CHSY3: variants seen among roughly 807,000 people sequenced by gnomAD.
CHSY3 encodes chondroitin sulfate synthase 3.
CHSY3 carries 35 observed loss-of-function variants against 67.2 expected under a neutral mutation model. The ratio of observed to expected loss-of-function variants is 0.52; its 90% confidence interval spans 0.40 to 0.69. CHSY3 has a LOEUF of 0.69. Ranked by LOEUF, CHSY3 falls within the 30% of genes least tolerant of loss-of-function variation. The pLI is 0.00. For synonymous variants in CHSY3, 474 were observed against 434.7 expected (o/e 1.09, Z -1.12); for missense variants, 1,069 against 1,138.5 (o/e 0.94, Z 0.88).
At chr5:129,907,535 C>CT (rs1465797482) in intron 1 of CHSY3, among the ~76,000 whole-genome samples, 2 of 152,156 alleles carry the variant, frequency 1.3e-5, no homozygotes, top group Non-Finnish European at 2.9e-5. Flanking sequence ...TTTTGACAAA[C>CT]TTTTTTCTAA....
chr5:129,922,156 G>C (rs948195476), intron 2 of CHSY3, among the ~76,000 whole-genome samples: 1 of 152,190 alleles, frequency 6.6e-6, no homozygotes, highest in Non-Finnish European at 1.5e-5. Context: ...TGTTGCAAAT[G>C]ACGGGATTTC....
chr5:130,185,232 G>T lies in CHSY3; in HGVS notation c.2090G>T (p.Arg697Ile), dbSNP rs1257109008. Reference protein sequence around the residue: ...TLIPMKGEFSRGLGLEMASAQ... With the variant: ...TLIPMKGEFSIGLGLEMASAQ... ...ATCCCAATGAAGGGAGAGTTTTCCA[G>T]AGGTCTTGGTCTTGAAATGGCTTCT... Residue 697 changes from arginine to isoleucine, a missense_variant, in exon 3 of 3, where the codon AGA (arginine) becomes ATA (isoleucine). Around this residue, in one of 5 missense-constraint regions of CHSY3, gnomAD observed 401 missense variants for 395.2 expected, o/e 1.01. Coordinates refer to ENST00000305031, the MANE Select transcript of CHSY3 (RefSeq NM_175856.5). 6.2e-7 allele frequency: 1 copy of T among 1,607,654 alleles called. No individual in the cohort carries two copies. Among genetic ancestry groups the T allele is most frequent in the Non-Finnish European group, 8.5e-7 (1 of 1,174,270 alleles).
chr5:130,172,018 C>T (rs1440930590), intron 2 of CHSY3, among the ~76,000 whole-genome samples: 1 of 152,094 alleles, frequency 6.6e-6, no homozygotes, highest in Non-Finnish European at 1.5e-5. Flanking sequence ...CTCTCAATAG[C>T]ACTCAGTTTT....
chr5:130,066,381 A>C (rs1765886794), intron 2 of CHSY3, among the ~76,000 whole-genome samples: 1 of 152,106 alleles, frequency 6.6e-6, no homozygotes, highest in South Asian at 2.1e-4. Flanking sequence ...ATGAGAACTA[A>C]GGAGCATAAA....
chr5:129,978,920 C>T lies in CHSY3; in HGVS notation c.1086+70560C>T, dbSNP rs574460949. ...ATTAGAAAAATTGGTACTAATTGGC[C>T]GGGCGTGGTGGCTCACGCCTGTAAT... is the stretch of plus-strand genomic sequence containing the variant. On this transcript the variant is annotated intron_variant, in intron 2 of 2. Transcript: ENST00000305031. 3.8e-4 allele frequency among the ~76,000 whole-genome samples: 58 copies of T among 151,838 alleles called. 1 individual carries two copies. Among genetic ancestry groups the T allele is most frequent in the Admixed American group, 1.8e-3 (27 of 15,256 alleles).
rs558983220 is a variant in CHSY3, at chr5:130,044,342, T to C, written c.1086+135982T>C. Among the ~76,000 whole-genome samples the C allele has an allele frequency of 2.6e-4, 39 of 152,070 alleles. No homozygotes were observed. In the South Asian group the frequency reaches 5.0e-3, roughly 19 times the overall value. On this transcript the variant is annotated intron_variant, in intron 2 of 2. Transcript: ENST00000305031. ...ATCATCTGTGGCTAAAATATGATGG[T>C]AGAAGCATCATCATTGATTTTGATA...
chr5:130,182,687 T>A (rs1770284329), intron 2 of CHSY3, among the ~76,000 whole-genome samples: 1 of 152,112 alleles, frequency 6.6e-6, no homozygotes, highest in South Asian at 2.1e-4. Context: ...GATCCGTTTT[T>A]ACTTTTTTCC....
chr5:130,095,914 C>T (rs930888873), intron 2 of CHSY3, among the ~76,000 whole-genome samples: 6 of 152,206 alleles, frequency 3.9e-5, no homozygotes, highest in African/African-American at 1.4e-4. Context: ...GACTACATCA[C>T]CTGCGTGGTA....
intron 2 of CHSY3, among the ~76,000 whole-genome samples, chr5:129,963,400 G>C (rs1362822349): frequency 2.6e-5 from 4 of 152,028 alleles, no homozygotes; most frequent in Non-Finnish European, 1.5e-5. Context: ...TTGAGTGTCA[G>C]AGTCCAGCAT....
chr5:130,086,864 T>C (rs1466075427), intron 2 of CHSY3, among the ~76,000 whole-genome samples: 1 of 151,990 alleles, frequency 6.6e-6, no homozygotes, highest in East Asian at 1.9e-4. Flanking sequence ...CTAACTCATT[T>C]TATGAGGCCA....
intron 2 of CHSY3, among the ~76,000 whole-genome samples, chr5:130,136,595 G>GTT (rs959517320): frequency 3.3e-5 from 5 of 152,040 alleles, no homozygotes; most frequent in Non-Finnish European, 5.9e-5. Flanking sequence ...GAAAATAATA[G>GTT]TTTAAGATTT....
At chr5:130,117,517 T>C (rs1445891279) in intron 2 of CHSY3, among the ~76,000 whole-genome samples, 1 of 152,236 alleles carries the variant, frequency 6.6e-6, no homozygotes, top group African/African-American at 2.4e-5. Context: ...CTGTCAATAG[T>C]TACACCATGT....
chr5:130,035,754 T>C (rs1370047115), intron 2 of CHSY3, among the ~76,000 whole-genome samples: 1 of 152,136 alleles, frequency 6.6e-6, no homozygotes, highest in Non-Finnish European at 1.5e-5. Context: ...CTTTTTCAAA[T>C]TCAAATGACA....
intron 2 of CHSY3, among the ~76,000 whole-genome samples, chr5:129,910,284 A>C (rs73239975): frequency 0.012 from 1,863 of 152,122 alleles, 36 homozygotes; most frequent in African/African-American, 0.041. Context: ...AATACATTTG[A>C]ATTTAGACTG....
chr5:130,008,026 C>A (rs1252687872), intron 2 of CHSY3, among the ~76,000 whole-genome samples: 1 of 152,202 alleles, frequency 6.6e-6, no homozygotes, highest in African/African-American at 2.4e-5. Flanking sequence ...CCACATGCAG[C>A]CTCCCCCACA....
chr5:130,030,822 C>T (rs958387356), intron 2 of CHSY3, among the ~76,000 whole-genome samples: 22 of 152,062 alleles, frequency 1.4e-4, no homozygotes, highest in Non-Finnish European at 2.6e-4. Flanking sequence ...TGAACCTAGT[C>T]CCTTGATCTG....
At chr5:130,048,439 G>A (rs1765220321) in intron 2 of CHSY3, among the ~76,000 whole-genome samples, 1 of 151,624 alleles carries the variant, frequency 6.6e-6, no homozygotes, top group African/African-American at 2.4e-5. Context: ...TATACCTTTG[G>A]AAAATATTCA....
intron 2 of CHSY3, among the ~76,000 whole-genome samples, chr5:129,916,899 G>T (rs1206128919): frequency 6.6e-6 from 1 of 151,842 alleles, no homozygotes; most frequent in African/African-American, 2.4e-5. Flanking sequence ...TTCATTGTAG[G>T]TCATGAAATA....
intron 2 of CHSY3, among the ~76,000 whole-genome samples, chr5:130,011,940 C>T (rs1764073425): frequency 6.6e-6 from 1 of 152,178 alleles, no homozygotes; most frequent in African/African-American, 2.4e-5. Context: ...AATTACAAAA[C>T]ACTGTCCAAA....
Sources: allele counts gnomAD v4.1 joint callset (sites outside exome capture counted in the v4.1 genomes callset), GRCh38; gene constraint gnomAD v4.1.1; regional missense constraint gnomAD v4.1.1; transcripts MANE v1.5; gene names NCBI Gene and HGNC (gene_info 2026-07-23, HGNC 2026-07-21).